PDILT: variants seen among roughly 807,000 people sequenced by gnomAD.
PDILT encodes protein disulfide isomerase like, testis expressed, also known as protein disulfide-isomerase-like protein of the testis.
Under a neutral mutation model 53.7 loss-of-function variants are expected in PDILT, and 43 were observed. The observed-to-expected ratio is 0.80, with a 90% confidence interval of 0.63 to 1.03. The LOEUF (loss-of-function observed/expected upper bound fraction) is 1.03, where lower values mean the gene tolerates loss of function less well. PDILT is among the 50% of genes least tolerant of loss of function. The pLI, the probability that PDILT is intolerant of heterozygous loss-of-function variation, is 0.00. For synonymous variants in PDILT, 282 were observed against 274.2 expected, an observed-to-expected ratio of 1.03 and a Z score of -0.28; for missense variants, 727 against 712.3, an observed-to-expected ratio of 1.02 and a Z score of -0.24.
At chr16:20,396,572 C>T (rs1348887393) in intron 2 of PDILT, among the ~76,000 whole-genome samples, 2 of 152,314 alleles carry the variant, frequency 1.3e-5, no homozygotes, top group Middle Eastern at 3.4e-3. Context: ...GGGAATCCCT[C>T]GTGCACTCAA....
chr16:20,402,562 G>T (rs1299405913), intron 1 of PDILT, among the ~76,000 whole-genome samples: 2 of 152,226 alleles, frequency 1.3e-5, no homozygotes, highest in African/African-American at 4.8e-5. Flanking sequence ...GCCTCCCAAA[G>T]TGTTGGGATG....
chr16:20,373,825 G>T (rs1966343967), intron 5 of PDILT, among the ~76,000 whole-genome samples: 1 of 152,208 alleles, frequency 6.6e-6, no homozygotes, highest in African/African-American at 2.4e-5. Context: ...ACTTGGCTTT[G>T]CTGGAGTCTG....
At chr16:20,399,503 A>T (rs1479463590) in intron 1 of PDILT, among the ~76,000 whole-genome samples, 196 bp from the exon 2 acceptor site, 1 of 152,100 alleles carries the variant, frequency 6.6e-6, no homozygotes, top group East Asian at 1.9e-4. Context: ...CCCAGTAGTG[A>T]CTGTATGGGG....
chr16:20,373,167 A>G (rs369173092), intron 5 of PDILT, 45 bp from the exon 6 acceptor site: 140 of 1,450,316 alleles, frequency 9.7e-5, no homozygotes, highest in Non-Finnish European at 1.1e-5. Context: ...AGCTTTCATG[A>G]TATAGCCACT....
At chr16:20,368,405 T>G (rs183144156) in intron 8 of PDILT, among the ~76,000 whole-genome samples, 1 of 151,872 alleles carries the variant, frequency 6.6e-6, no homozygotes. Context: ...TGGGTTGGAA[T>G]TGGAAAGAAG....
At chr16:20,400,487 C>A (rs1380093980) in intron 1 of PDILT, among the ~76,000 whole-genome samples, 3 of 147,106 alleles carry the variant, frequency 2.0e-5, no homozygotes, top group Non-Finnish European at 4.5e-5. Context: ...CTCTGGGGAG[C>A]TTTTAGGAGA....
At chr16:20,365,810 C>A (rs374277201) in intron 8 of PDILT, among the ~76,000 whole-genome samples, 1 of 150,504 alleles carries the variant, frequency 6.6e-6, no homozygotes, top group Non-Finnish European at 1.5e-5. Context: ...AAGCCGGGCG[C>A]GGTGGCTCAC....
chr16:20,401,948 G>T (rs1185357312), intron 1 of PDILT, among the ~76,000 whole-genome samples: 2 of 152,244 alleles, frequency 1.3e-5, no homozygotes, highest in African/African-American at 2.4e-5. Flanking sequence ...AGTGATTCAT[G>T]TCCAACAGGA....
At chr16:20,399,400 T>C in intron 1 of PDILT, 93 bp from the exon 2 acceptor site, 3 of 1,365,712 alleles carry the variant, frequency 2.2e-6, no homozygotes, top group Non-Finnish European at 3.0e-6. Context: ...CTGGTCCATG[T>C]AGGGTGAATG....
rs776811727 is a variant in PDILT, at chr16:20,372,783, A to G, written c.918+19T>C. ...TCCTCATCCAGGAGTCCCAGAGAGC[A>G]ATGGTGCACTCTACAAACCTTGTTT... On this transcript the variant is annotated intron_variant, in intron 7 of 11. Transcript: ENST00000302451. The G allele has an allele frequency of 3.7e-6, 6 of 1,610,512 alleles. No homozygotes were observed. In the African/African-American group the frequency reaches 5.3e-5, roughly 14 times the overall value.
In PDILT at chr16:20,362,253, T is replaced by A. The variant is rs931944701; in HGVS notation, c.1416+151A>T. On this transcript the variant is annotated intron_variant, in intron 10 of 11. Coordinates refer to ENST00000302451, the MANE Select transcript of PDILT (RefSeq NM_174924.2). ...TTTGGTGCAAACTACTGGAAAATAA[T>A]CTTTGAACTTGAATGTGAGAGGATG... 7.2e-6 allele frequency: 6 copies of A among 829,198 alleles called. No individual in the cohort carries two copies. In the African/African-American group the frequency reaches 8.6e-5, roughly 12 times the overall value. The allele number at this position is 829,198 out of a possible 1,614,324, so 51.4% of individuals were successfully genotyped here. A position where few individuals can be genotyped will look rare whatever the true frequency, so the allele number is the denominator to read the frequency against.
intron 3 of PDILT, among the ~76,000 whole-genome samples, chr16:20,377,856 A>C (rs1966408132): frequency 1.3e-5 from 2 of 152,160 alleles, no homozygotes; most frequent in South Asian, 4.1e-4. Context: ...TGGGAGGCTG[A>C]GGCAGGAGAA....
chr16:20,376,421 A>G (rs148759489), intron 3 of PDILT, among the ~76,000 whole-genome samples: 4 of 152,328 alleles, frequency 2.6e-5, no homozygotes, highest in African/African-American at 9.6e-5. Context: ...AGGCCCAGAC[A>G]CTGTGCTGAA....
chr16:20,367,044 TTTC>T (rs1966214839), intron 8 of PDILT, among the ~76,000 whole-genome samples: 1 of 47,712 alleles, frequency 2.1e-5, no homozygotes, highest in Admixed American at 2.0e-4. Context: ...TCTTTCTTTC[TTTC>T]TTTCTTTCTT....
At chr16:20,367,036 TTTCTTTCTTTCTTTCTTTC>T (rs2141705402) in intron 8 of PDILT, among the ~76,000 whole-genome samples, 1 of 18,644 alleles carries the variant, frequency 5.4e-5, no homozygotes, top group Non-Finnish European at 1.4e-4. Context: ...TCTTTCTTTC[TTTCTTTCTTTCTTTCTTTC>T]TTTCTTTCTT....
chr16:20,364,364 G>A (rs1057127886), intron 9 of PDILT, among the ~76,000 whole-genome samples: 4 of 152,204 alleles, frequency 2.6e-5, no homozygotes, highest in Non-Finnish European at 5.9e-5. Context: ...ATGATGCAGT[G>A]TAGCCCTTGT....
At chr16:20,393,979 A>AG (rs1966634389) in intron 2 of PDILT, among the ~76,000 whole-genome samples, 1 of 152,224 alleles carries the variant, frequency 6.6e-6, no homozygotes, top group African/African-American at 2.4e-5. Context: ...TCATGGGCTC[A>AG]GTTCCTGGGC....
chr16:20,389,458 C>T (rs1966581225), intron 2 of PDILT, among the ~76,000 whole-genome samples: 1 of 152,130 alleles, frequency 6.6e-6, no homozygotes. Context: ...CTTGCTCTGA[C>T]CAGATTCTCT....
intron 4 of PDILT, 67 bp downstream of exon 4, chr16:20,376,001 C>G (rs1377057916): frequency 6.3e-7 from 1 of 1,584,344 alleles, no homozygotes; most frequent in South Asian, 1.2e-5. Context: ...TCTCCTCACA[C>G]CACCCCCTCC....
Sources: allele counts gnomAD v4.1 joint callset (sites outside exome capture counted in the v4.1 genomes callset), GRCh38; gene constraint gnomAD v4.1.1; transcripts MANE v1.5; gene names NCBI Gene and HGNC (gene_info 2026-07-23, HGNC 2026-07-21).